The following RBFOX1 variants were observed in gnomAD, a reference collection of about 807,000 sequenced individuals.
The protein encoded by RBFOX1 is RNA binding protein fox-1 homolog 1.
Under a neutral mutation model 57.7 loss-of-function variants are expected in RBFOX1, and 8 were observed. The ratio of observed to expected loss-of-function variants is 0.14; its 90% CI spans 0.08 to 0.25. The LOEUF is 0.25. RBFOX1 is among the 10% of genes least tolerant of loss of function. RBFOX1 has a pLI of 1.00. For missense variants in RBFOX1, 611 were observed against 548.5 expected, an observed-to-expected ratio of 1.11 and a Z score of -1.14; for synonymous variants, 326 against 222.4, an observed-to-expected ratio of 1.47 and a Z score of -4.15.
At chr16:5,363,611 A>T (rs772267823) in intron 1 of RBFOX1, among the ~76,000 whole-genome samples, 5 of 152,064 alleles carry the variant, frequency 3.3e-5, no homozygotes, top group Non-Finnish European at 5.9e-5. Context: ...TTTTCCCAAC[A>T]CCTCAGACTA....
intron 3 of RBFOX1, among the ~76,000 whole-genome samples, chr16:5,656,088 A>G (rs1315309696): frequency 6.6e-6 from 1 of 152,206 alleles, no homozygotes; most frequent in African/African-American, 2.4e-5. Context: ...AATATTAATT[A>G]TTACCAATAG....
chr16:6,907,859 C>T (rs1042523440), intron 3 of RBFOX1, among the ~76,000 whole-genome samples: 3 of 151,682 alleles, frequency 2.0e-5, no homozygotes, highest in Non-Finnish European at 4.4e-5. Context: ...CAGGCATGAG[C>T]CCCCATGCCC....
chr16:5,693,367 C>A (rs564302288), intron 3 of RBFOX1, among the ~76,000 whole-genome samples: 13 of 148,424 alleles, frequency 8.8e-5, no homozygotes, highest in African/African-American at 9.8e-5. Context: ...ATAGGCAGAT[C>A]AAAAAAAAAA....
intron 1 of RBFOX1, among the ~76,000 whole-genome samples, chr16:6,166,024 T>A (rs1335090904): frequency 6.6e-6 from 1 of 152,208 alleles, no homozygotes; most frequent in Non-Finnish European, 1.5e-5. Context: ...CATGTACACA[T>A]ACAGTGGAGT....
intron 1 of RBFOX1, among the ~76,000 whole-genome samples, chr16:6,114,047 C>T (rs75080617): frequency 0.037 from 5,543 of 151,738 alleles, 233 homozygotes; most frequent in East Asian, 0.21. Context: ...AATTATTTAC[C>T]GTTCTTCCTA....
chr16:7,331,701 A>T (rs1032345803), intron 4 of RBFOX1, among the ~76,000 whole-genome samples: 1 of 152,196 alleles, frequency 6.6e-6, no homozygotes, highest in Admixed American at 6.5e-5. Flanking sequence ...TCAGTTTTCC[A>T]AATGAGTGAA....
chr16:6,367,620 A>C (rs2089845592), intron 2 of RBFOX1, among the ~76,000 whole-genome samples: 1 of 152,130 alleles, frequency 6.6e-6, no homozygotes, highest in South Asian at 2.1e-4. Context: ...TAAAATTGTG[A>C]ATATGTAAAT....
chr16:7,204,809 T>G (rs1334774435), intron 4 of RBFOX1, among the ~76,000 whole-genome samples: 1 of 152,180 alleles, frequency 6.6e-6, no homozygotes, highest in Non-Finnish European at 1.5e-5. Flanking sequence ...GCAAACTGAT[T>G]GGTAACTCCT....
chr16:6,618,670 A>G (rs760268437), intron 2 of RBFOX1, among the ~76,000 whole-genome samples: 3 of 152,190 alleles, frequency 2.0e-5, no homozygotes, highest in African/African-American at 4.8e-5. Flanking sequence ...TCAAATTCAC[A>G]TCACTTTAAT....
At chr16:6,877,023 T>C (rs1255599596) in intron 3 of RBFOX1, among the ~76,000 whole-genome samples, 2 of 152,216 alleles carry the variant, frequency 1.3e-5, no homozygotes, top group Non-Finnish European at 2.9e-5. Flanking sequence ...ATTTCTGCTA[T>C]TGTTTCTTAT....
At chr16:6,325,437 A>G (rs2082265630) in intron 2 of RBFOX1, among the ~76,000 whole-genome samples, 1 of 152,236 alleles carries the variant, frequency 6.6e-6, no homozygotes, top group South Asian at 2.1e-4. Flanking sequence ...AACACCTATG[A>G]GGTGAAATCT....
chr16:5,960,264 A>G (rs1368254480), intron 4 of RBFOX1, among the ~76,000 whole-genome samples: 2 of 152,214 alleles, frequency 1.3e-5, no homozygotes, highest in Admixed American at 6.5e-5. Context: ...CCTTTTATCT[A>G]TATTATTTCA....
intron 2 of RBFOX1, among the ~76,000 whole-genome samples, chr16:6,524,365 T>C (rs986187897): frequency 6.6e-6 from 1 of 152,232 alleles, no homozygotes; most frequent in Non-Finnish European, 1.5e-5. Flanking sequence ...ATTGTGTGCA[T>C]ACCACACTTG....
intron 4 of RBFOX1, among the ~76,000 whole-genome samples, chr16:7,383,341 A>G (rs1270463014): frequency 6.6e-6 from 1 of 152,134 alleles, no homozygotes; most frequent in Non-Finnish European, 1.5e-5. Flanking sequence ...CTTGGACAAA[A>G]TTAGGCTCCC....
intron 4 of RBFOX1, among the ~76,000 whole-genome samples, chr16:7,079,451 A>G (rs966426173): frequency 6.6e-6 from 1 of 152,300 alleles, no homozygotes; most frequent in African/African-American, 2.4e-5. Context: ...GTGTACCTGC[A>G]TTTTGTCATG....
At chr16:7,433,072 C>A (rs754073962) in intron 4 of RBFOX1, among the ~76,000 whole-genome samples, 16 of 152,210 alleles carry the variant, frequency 1.1e-4, no homozygotes, top group Admixed American at 7.9e-4. Flanking sequence ...AGGATTCTTT[C>A]TCAGCAGCCT....
chr16:6,722,362 G>T (rs796471236), intron 3 of RBFOX1, among the ~76,000 whole-genome samples: 1 of 152,190 alleles, frequency 6.6e-6, no homozygotes, highest in Admixed American at 6.5e-5. Context: ...CTTTCTAACA[G>T]GTGTGAGGAG....
intron 4 of RBFOX1, among the ~76,000 whole-genome samples, chr16:7,194,239 T>A (rs1268353077): frequency 6.6e-6 from 1 of 152,254 alleles, no homozygotes; most frequent in Non-Finnish European, 1.5e-5. Context: ...AGGTAATGGT[T>A]GTTAGATTTT....
chr16:7,647,542 C>G (rs1162670187), intron 11 of RBFOX1, among the ~76,000 whole-genome samples: 1 of 104,024 alleles, frequency 9.6e-6, no homozygotes, highest in African/African-American at 3.5e-5. Context: ...TGAAATTGAA[C>G]TAGGAAAAAA....
Sources: allele counts gnomAD v4.1 joint callset (sites outside exome capture counted in the v4.1 genomes callset), GRCh38; gene constraint gnomAD v4.1.1; transcripts MANE v1.5; gene names NCBI Gene and HGNC (gene_info 2026-07-23, HGNC 2026-07-21).